HDC: variants seen among roughly 807,000 people sequenced by gnomAD.
HDC encodes the protein histidine decarboxylase.
A neutral mutation model predicts 64.4 loss-of-function variants in HDC; 27 were observed. That is an observed-to-expected ratio of 0.42 (90% confidence interval 0.31 to 0.58). The LOEUF is 0.58. HDC is among the 20% of genes least tolerant of loss of function. The probability of loss-of-function intolerance (pLI) is 0.16; values close to 1 mark genes in which losing one functional copy is unlikely to be tolerated. For missense variants in HDC, 711 were observed against 833.9 expected, an observed-to-expected ratio of 0.85 and a Z score of 1.81; for synonymous variants, 305 against 314.2, an observed-to-expected ratio of 0.97 and a Z score of 0.31.
At position 50,258,570 on chromosome 15, in the gene HDC, T is replaced by C. The variant is rs1475224269; in HGVS notation, c.205-53A>G. ...CACCAGGAGGCATTTCCAGCAGGCT[T>C]TCTTTCTCCAGAGACCATCTCTGGC... On this transcript the variant is annotated intron_variant, in intron 2 of 11. Coordinates refer to ENST00000267845, the MANE Select transcript of HDC (RefSeq NM_002112.4). The C allele has an allele frequency of 2.8e-6, 3 of 1,062,678 alleles. No individual in the cohort carries two copies. In the African/African-American group the frequency reaches 4.7e-5, roughly 17 times the overall value. The allele number at this position is 1,062,678 out of a possible 1,614,324, so 65.8% of individuals were successfully genotyped here. A position where few individuals can be genotyped will look rare whatever the true frequency, so the allele number is the denominator to read the frequency against.
At chr15:50,258,376 G>T in intron 3 of HDC, 28 bp downstream of exon 3, 1 of 1,300,364 alleles carries the variant, frequency 7.7e-7, no homozygotes, top group Non-Finnish European at 1.1e-6. Flanking sequence ...GTTCCCCATT[G>T]CGAGTAGTTA....
Position 50,242,504 on chromosome 15 carries a change from A to G in HDC, c.1745T>C (p.Val582Ala). ...CACACTGTTGCAACTGAGGGAGCGC[A>G]CCGTCTTCTTCTTAGTCTGCACAGA... ...YLSVQTKKKT[V>A]RSLSCNSVPV... Residue 582 changes from valine (V) to alanine (A), a missense_variant, in exon 12 of 12, where the codon GTG (valine) becomes GCG (alanine). By Grantham distance (64) the Val-to-Ala change is moderately conservative (BLOSUM62 0). Transcript: ENST00000267845. 1 of 1,614,166 alleles carries G rather than the reference A, an allele frequency of 6.2e-7. No individual in the cohort carries two copies. Among genetic ancestry groups the G allele is most frequent in the Non-Finnish European group, 8.5e-7 (1 of 1,180,020 alleles).
intron 4 of HDC, among the ~76,000 whole-genome samples, chr15:50,256,656 G>T (rs2045636127): frequency 6.6e-6 from 1 of 152,166 alleles, no homozygotes; most frequent in Admixed American, 6.5e-5. Flanking sequence ...AATGTGCTGA[G>T]ATTACAGGGG....
At chr15:50,252,575 C>T (rs1420321180) in intron 8 of HDC, 37 bp downstream of exon 8, 2 of 1,614,006 alleles carry the variant, frequency 1.2e-6, no homozygotes, top group Non-Finnish European at 1.7e-6. Context: ...GGAGGCAAGG[C>T]GTTCCTGCGT....
intron 4 of HDC, among the ~76,000 whole-genome samples, chr15:50,255,823 A>AG (rs1595708367): frequency 6.6e-6 from 1 of 152,162 alleles, no homozygotes; most frequent in East Asian, 1.9e-4. Context: ...AATGGTAACA[A>AG]CACCTTCCAT....
At position 50,254,153 on chromosome 15, in the gene HDC, G is replaced by A; in HGVS notation, c.697C>T (p.Gln233Ter). Residue 233 changes from glutamine (Q) to a stop codon, truncating the protein, a stop_gained, in exon 6 of 12, where the codon CAG becomes TAG. Transcript: ENST00000267845. LOFTEE classifies it high-confidence loss of function. ...ACAAAGACGGGCACCAAGCCCCGCTGCTTGTCTTCCTCGATGGCCTTCTGA... is the reference window on the plus strand; with the variant it reads ...ACAAAGACGGGCACCAAGCCCCGCTACTTGTCTTCCTCGATGGCCTTCTGA... Reference protein sequence around the residue: ...ALQKAIEEDKQRGLVPVFVCA... With the variant: ...ALQKAIEEDK The A allele has an allele frequency of 1.2e-6, 2 of 1,614,212 alleles. No homozygotes were observed. The highest frequency in any genetic ancestry group is 1.7e-6 in the Non-Finnish European group (2 of 1,180,038).
intron 4 of HDC, among the ~76,000 whole-genome samples, chr15:50,257,121 CA>C (rs2045643039): frequency 6.6e-6 from 1 of 152,106 alleles, no homozygotes; most frequent in Non-Finnish European, 1.5e-5. Context: ...CCGTGAGATA[CA>C]AAATGGGACA....
Position 50,248,233 on chromosome 15 carries a change from C to T in HDC, c.1140+12G>A. The stretch of plus-strand genomic sequence containing the variant: ...AACACAGGCTCAGCCCCCACAGCAG[C>T]ATGCTACATACATGTCTGACATGTG... On this transcript the variant is annotated intron_variant, in intron 10 of 11. Transcript: ENST00000267845. This position sits in a 1 kb window ranked among gnomAD's most constrained non-coding sequence, Gnocchi z 4.3. 6.4e-7 allele frequency: 1 copy of T among 1,573,292 alleles called. No homozygotes were observed. The highest frequency in any genetic ancestry group is 8.7e-7 in the Non-Finnish European group (1 of 1,142,862).
At chr15:50,252,888 G>A in intron 7 of HDC, 114 bp from the exon 8 acceptor site, 1 of 1,078,876 alleles carries the variant, frequency 9.3e-7, no homozygotes, top group Middle Eastern at 2.8e-4. Context: ...GGCTAAATGA[G>A]AAACGGAGGG....
chr15:50,263,153 C>T, intron 2 of HDC, 82 bp downstream of exon 2: 1 of 1,442,718 alleles, frequency 6.9e-7, no homozygotes, highest in South Asian at 1.1e-5. Flanking sequence ...CAAGCTGACC[C>T]AAAGCAGGTC....
chr15:50,246,257 G>A (rs1407511781), intron 10 of HDC, among the ~76,000 whole-genome samples: 2 of 152,202 alleles, frequency 1.3e-5, no homozygotes, highest in Admixed American at 6.5e-5. Context: ...CATTACGCAA[G>A]TGTCAATAAT....
intron 2 of HDC, among the ~76,000 whole-genome samples, chr15:50,261,712 CTT>C (rs140597386): frequency 2.7e-4 from 38 of 140,256 alleles, no homozygotes; most frequent in Non-Finnish European, 2.9e-4. Context: ...ATTTTTGTCA[CTT>C]TTTTTTTTTT....
Position 50,265,602 on chromosome 15 carries a change from T to C in HDC, c.22A>G (p.Arg8Gly), listed in dbSNP as rs150195640. The C allele has an allele frequency of 8.1e-5, 131 of 1,613,796 alleles. 1 individual carries two copies. The highest frequency in any genetic ancestry group is 5.7e-4 in the South Asian group (52 of 91,066). The change falls in exon 1 of 12, where the codon AGA becomes GGA. Residue 8 changes from arginine (R) to glycine (G), a missense_variant. Arg to Gly is a moderately radical substitution (Grantham distance 125, BLOSUM62 -2). This residue lies in a region of HDC where 225 missense variants were observed against 276.2 expected (regional missense o/e 0.81). Transcript: ENST00000267845. The part of the protein sequence containing the change: MMEPEEY[R>G]ERGREMVDYI... ...GATGCCCGTTGCTCACCTCTCTCTC[T>C]GTACTCCTCAGGCTCCATCATCTCC... is the stretch of plus-strand genomic sequence containing the variant.
Position 50,260,972 on chromosome 15 carries a change from A to T in HDC, c.204+2263T>A, listed in dbSNP as rs545985162. On this transcript the variant is annotated intron_variant, in intron 2 of 11. Coordinates refer to ENST00000267845, the MANE Select transcript of HDC (RefSeq NM_002112.4). Reference sequence around the variant, plus strand: ...AAACTAATTCAGTTTTCAATGAGGCACTGAGCAAAATGAGTAAGCAAAGGG... The same window carrying T: ...AAACTAATTCAGTTTTCAATGAGGCTCTGAGCAAAATGAGTAAGCAAAGGG... Among the ~76,000 whole-genome samples the T allele has an allele frequency of 3.3e-5, 5 of 152,214 alleles. No homozygotes were observed. The South Asian group carries it at 1.0e-3, about 32-fold the overall frequency.
In HDC at chr15:50,263,443, C is replaced by A. The variant is rs777861426; in HGVS notation, c.32-36G>T. Reference sequence around the variant, plus strand: ...CATAGAGAAATCAGGCTGAAATCCCCTGACTGGGCCTGACCGATTTGTGCC... The same window carrying A: ...CATAGAGAAATCAGGCTGAAATCCCATGACTGGGCCTGACCGATTTGTGCC... On this transcript the variant is annotated intron_variant, in intron 1 of 11. Transcript: ENST00000267845. 8 of 1,592,838 alleles carry A rather than the reference C, an allele frequency of 5.0e-6. No homozygotes were observed. In the East Asian group the frequency reaches 1.8e-4, roughly 36 times the overall value.
intron 10 of HDC, among the ~76,000 whole-genome samples, chr15:50,246,478 T>C (rs142189923): frequency 6.6e-6 from 1 of 152,138 alleles, no homozygotes; most frequent in Non-Finnish European, 1.5e-5. Flanking sequence ...ATTTAATCCA[T>C]TCACAACATT....
chr15:50,261,309 C>T (rs1490016244), intron 2 of HDC, among the ~76,000 whole-genome samples: 1 of 152,216 alleles, frequency 6.6e-6, no homozygotes, highest in African/African-American at 2.4e-5. Flanking sequence ...CTGACAGTTG[C>T]TTTCAGTCTC....
At chr15:50,244,415 A>ACCTTCACC (rs60770660) in intron 10 of HDC, among the ~76,000 whole-genome samples, 6,907 of 147,620 alleles carry the variant, frequency 0.047, 471 homozygotes, top group African/African-American at 0.15. Flanking sequence ...TAATCCTCCC[A>ACCTTCACC]CCTTCACCTC....
In HDC at chr15:50,242,680, GAT is replaced by G. The variant is rs2045415009; in HGVS notation, c.1567_1568del (p.Ile523GlnfsTer20). The stretch of plus-strand genomic sequence containing the variant: ...CGGCTCCCACACGCTGAGGCTGCTT[GAT>G]GATCTTCCTGGCCTGGACTGGATCA... The part of the protein sequence containing the change: ...GDDPVQARKI[I>X]KQPQRVGAGP... On this transcript the variant is annotated frameshift_variant, in exon 12 of 12. Coordinates refer to ENST00000267845, the MANE Select transcript of HDC (RefSeq NM_002112.4). LOFTEE classifies it high-confidence loss of function. 6.2e-7 allele frequency: 1 copy of G among 1,614,064 alleles called. No homozygotes were observed. The highest frequency in any genetic ancestry group is 1.1e-5 in the South Asian group (1 of 91,084).
Sources: allele counts gnomAD v4.1 joint callset (sites outside exome capture counted in the v4.1 genomes callset), GRCh38; gene constraint gnomAD v4.1.1; regional missense constraint gnomAD v4.1.1; non-coding constraint Gnocchi (gnomAD v3.1); transcripts MANE v1.5; gene names NCBI Gene and HGNC (gene_info 2026-07-23, HGNC 2026-07-21).